Variants in PPP2R5E observed in about 807,000 individuals in gnomAD.
PPP2R5E encodes the protein protein phosphatase 2 regulatory subunit B'epsilon.
In PPP2R5E, 4 loss-of-function variants were observed where a neutral mutation model predicts 65.3. The ratio of observed to expected loss-of-function variants is 0.06; its 90% CI spans 0.03 to 0.14. PPP2R5E has a LOEUF of 0.14. Ranked by LOEUF, PPP2R5E falls within the 10% of genes least tolerant of loss-of-function variation. The probability of loss-of-function intolerance (pLI) is 1.00; values close to 1 mark genes in which losing one functional copy is unlikely to be tolerated. For synonymous variants in PPP2R5E, 183 were observed against 187.4 expected, an observed-to-expected ratio of 0.98 and a Z score of 0.19; for missense variants, 274 against 556.1, an observed-to-expected ratio of 0.49 and a Z score of 5.10.
chr14:63,463,551 C>CCAG (rs1204334261), intron 2 of PPP2R5E, among the ~76,000 whole-genome samples: 1 of 151,788 alleles, frequency 6.6e-6, no homozygotes, highest in African/African-American at 2.4e-5. Context: ...TTATTAATAT[C>CCAG]CAGTAAGGTA....
chr14:63,469,042 G>C (rs866448124), intron 2 of PPP2R5E, among the ~76,000 whole-genome samples: 45 of 152,118 alleles, frequency 3.0e-4, no homozygotes, highest in Non-Finnish European at 4.4e-5. Flanking sequence ...CCCACAACAC[G>C]AATTTGTTTA....
chr14:63,541,800 G>A (rs866430209), intron 1 of PPP2R5E, among the ~76,000 whole-genome samples: 3 of 151,876 alleles, frequency 2.0e-5, no homozygotes, highest in Non-Finnish European at 4.4e-5. Flanking sequence ...TTTGGAATTT[G>A]GAAGTCTTCT....
intron 2 of PPP2R5E, chr14:63,479,554 C>T (rs916246664): frequency 8.5e-5 from 13 of 152,186 alleles, no homozygotes; most frequent in African/African-American, 3.1e-4. Context: ...ACACTTAGAA[C>T]AGACACTGAA....
intron 13 of PPP2R5E, among the ~76,000 whole-genome samples, chr14:63,376,638 T>C (rs929815884): frequency 6.6e-6 from 1 of 152,214 alleles, no homozygotes; most frequent in African/African-American, 2.4e-5. Flanking sequence ...ATTTCACTAT[T>C]TGGTAAAACT....
chr14:63,397,680 G>A (rs558124973), intron 5 of PPP2R5E, among the ~76,000 whole-genome samples: 115 of 151,768 alleles, frequency 7.6e-4, no homozygotes, highest in African/African-American at 2.4e-3. Flanking sequence ...AATAGTCAAC[G>A]AAGTGAACAT....
chr14:63,522,877 G>A (rs1483916774), intron 2 of PPP2R5E, among the ~76,000 whole-genome samples: 30 of 144,800 alleles, frequency 2.1e-4, no homozygotes, highest in African/African-American at 7.5e-4. Flanking sequence ...TCAGCCCCCC[G>A]CCCGGCCAGC....
chr14:63,490,367 T>C (rs1260333751), intron 2 of PPP2R5E, among the ~76,000 whole-genome samples: 2 of 151,940 alleles, frequency 1.3e-5, no homozygotes, highest in East Asian at 3.9e-4. Context: ...TGGAATGCAA[T>C]AAAATCAAAA....
intron 2 of PPP2R5E, among the ~76,000 whole-genome samples, chr14:63,465,710 T>C (rs1889761918): frequency 6.6e-6 from 1 of 152,178 alleles, no homozygotes; most frequent in African/African-American, 2.4e-5. Flanking sequence ...ACAAAGGCCA[T>C]CTATTTAGAA....
chr14:63,509,104 C>A (rs1892344850), intron 2 of PPP2R5E, among the ~76,000 whole-genome samples: 1 of 152,086 alleles, frequency 6.6e-6, no homozygotes, highest in Admixed American at 6.6e-5. Context: ...ATAACTCTTA[C>A]ACAGACTTTG....
intron 5 of PPP2R5E, among the ~76,000 whole-genome samples, chr14:63,409,936 A>G (rs1886307248): frequency 6.6e-6 from 1 of 152,232 alleles, no homozygotes; most frequent in Non-Finnish European, 1.5e-5. Context: ...TTCTGACCCC[A>G]AAGTTCACAT....
intron 2 of PPP2R5E, among the ~76,000 whole-genome samples, chr14:63,500,457 G>C (rs1594945060): frequency 6.6e-6 from 1 of 152,096 alleles, no homozygotes; most frequent in East Asian, 1.9e-4. Flanking sequence ...TCTAAACTCA[G>C]GATTTAGGAC....
At position 63,387,050 on chromosome 14, in the gene PPP2R5E, G is replaced by C. The variant is rs532014993; in HGVS notation, c.1075-2479C>G. 2.3e-4 allele frequency among the ~76,000 whole-genome samples: 35 copies of C among 152,244 alleles called. No individual in the cohort carries two copies. The East Asian group carries it at 6.4e-3, about 28-fold the overall frequency. ...GAAAGGAGGACAGAGGCATGGACGA[G>C]GACAATGTGTTTGGGAATCATCAAA... On this transcript the variant is annotated intron_variant, in intron 11 of 13. Transcript: ENST00000337537.
intron 2 of PPP2R5E, among the ~76,000 whole-genome samples, chr14:63,465,518 T>C (rs1472362571): frequency 1.3e-5 from 2 of 151,460 alleles, no homozygotes; most frequent in Non-Finnish European, 2.9e-5. Context: ...CTCAGCTACT[T>C]AGGAGGCTGA....
chr14:63,469,535 A>G (rs1890009657), intron 2 of PPP2R5E, among the ~76,000 whole-genome samples: 1 of 152,166 alleles, frequency 6.6e-6, no homozygotes, highest in Non-Finnish European at 1.5e-5. Context: ...TACTAAAAAA[A>G]TACAAAAAAG....
chr14:63,488,439 G>T (rs1044230772), intron 2 of PPP2R5E, among the ~76,000 whole-genome samples: 2 of 152,108 alleles, frequency 1.3e-5, no homozygotes, highest in Non-Finnish European at 2.9e-5. Flanking sequence ...CTGAGATCAA[G>T]CAATCCTCCC....
chr14:63,454,567 A>G (rs1889018112), intron 2 of PPP2R5E, among the ~76,000 whole-genome samples: 1 of 152,218 alleles, frequency 6.6e-6, no homozygotes, highest in East Asian at 1.9e-4. Flanking sequence ...TTATATTAAT[A>G]TGTTCCCAGA....
At chr14:63,518,824 A>C (rs537244904) in intron 2 of PPP2R5E, among the ~76,000 whole-genome samples, 3 of 152,304 alleles carry the variant, frequency 2.0e-5, no homozygotes, top group African/African-American at 7.2e-5. Flanking sequence ...ATAATATAAG[A>C]ATATGCAGGC....
intron 3 of PPP2R5E, among the ~76,000 whole-genome samples, chr14:63,438,237 C>T (rs1034953445): frequency 6.6e-6 from 1 of 152,180 alleles, no homozygotes; most frequent in Admixed American, 6.5e-5. Flanking sequence ...CATCATGCAC[C>T]ACTGTGGTGT....
chr14:63,461,696 T>C (rs548641120), intron 2 of PPP2R5E, among the ~76,000 whole-genome samples: 2 of 151,142 alleles, frequency 1.3e-5, no homozygotes, highest in East Asian at 3.9e-4. Flanking sequence ...CCCAGGTACT[T>C]GGGAGGCTGA....
Sources: gnomAD v4.1 joint callset for allele counts (sites outside exome capture counted in the v4.1 genomes callset) on GRCh38, gnomAD v4.1.1 for gene constraint, MANE v1.5 for transcripts, NCBI Gene and HGNC (gene_info 2026-07-23, HGNC 2026-07-21) for gene names.